ZNRF2: variants seen among roughly 807,000 people sequenced by gnomAD.
ZNRF2 encodes the protein zinc and ring finger 2, also known as E3 ubiquitin-protein ligase ZNRF2.
Under a neutral mutation model 20.4 loss-of-function variants are expected in ZNRF2, and 16 were observed. The ratio of observed to expected loss-of-function variants is 0.79; its 90% CI spans 0.53 to 1.19. The LOEUF is 1.19. Among genes scored for constraint, ZNRF2 ranks in the 50% most tolerant of loss-of-function variants. ZNRF2 has a pLI of 0.00. For missense variants in ZNRF2, 363 were observed against 332.4 expected, an observed-to-expected ratio of 1.09 and a Z score of -0.72; for synonymous variants, 178 against 144.9, an observed-to-expected ratio of 1.23 and a Z score of -1.64.
chr7:30,338,789 C>T (rs2127951411), intron 2 of ZNRF2, among the ~76,000 whole-genome samples: 1 of 152,090 alleles, frequency 6.6e-6, no homozygotes, highest in Non-Finnish European at 1.5e-5. Flanking sequence ...GGGTATATAC[C>T]AAGTAATGGG....
intron 1 of ZNRF2, among the ~76,000 whole-genome samples, chr7:30,293,248 A>AG (rs1253225355): frequency 2.8e-4 from 37 of 133,728 alleles, no homozygotes; most frequent in African/African-American, 9.9e-4. Flanking sequence ...AAATTTTTAC[A>AG]TTTTTTTTTT....
intron 1 of ZNRF2, among the ~76,000 whole-genome samples, chr7:30,322,426 C>T (rs999014082): frequency 4.6e-5 from 7 of 152,230 alleles, no homozygotes; most frequent in East Asian, 3.9e-4. Flanking sequence ...GCTGCCAAAA[C>T]GTCTCTTTCA....
At chr7:30,295,048 A>AGAGAGAGAGAGT (rs1798992605) in intron 1 of ZNRF2, among the ~76,000 whole-genome samples, 1 of 79,056 alleles carries the variant, frequency 1.3e-5, no homozygotes, top group Admixed American at 1.2e-4. Flanking sequence ...AGAGAGAGAG[A>AGAGAGAGAGAGT]GAGTGTGTGT....
chr7:30,365,108 T>TAA (rs1800188732), intron 4 of ZNRF2, among the ~76,000 whole-genome samples: 1 of 151,752 alleles, frequency 6.6e-6, no homozygotes, highest in Non-Finnish European at 1.5e-5. Flanking sequence ...CATAGCAATT[T>TAA]TGGGAGTACA....
intron 1 of ZNRF2, among the ~76,000 whole-genome samples, chr7:30,293,006 A>G (rs1798939044): frequency 6.6e-6 from 1 of 152,158 alleles, no homozygotes; most frequent in South Asian, 2.1e-4. Context: ...GGAGGCAAAA[A>G]TCCAGATGAA....
At chr7:30,302,473 T>C in intron 1 of ZNRF2, among the ~76,000 whole-genome samples, 1 of 151,970 alleles carries the variant, frequency 6.6e-6, no homozygotes, top group East Asian at 1.9e-4. Flanking sequence ...TTAAGAAATG[T>C]ATAGTCTCTA....
At chr7:30,339,643 A>AGG (rs1799765767) in intron 2 of ZNRF2, among the ~76,000 whole-genome samples, 1 of 152,172 alleles carries the variant, frequency 6.6e-6, no homozygotes, top group Non-Finnish European at 1.5e-5. Flanking sequence ...TGGTACCAGT[A>AGG]CTATGCTGCT....
intron 2 of ZNRF2, among the ~76,000 whole-genome samples, chr7:30,333,446 T>C: frequency 6.6e-6 from 1 of 151,702 alleles, no homozygotes; most frequent in African/African-American, 2.4e-5. Flanking sequence ...CTCACTTCAC[T>C]GCAACCTCCG....
At chr7:30,338,132 A>T (rs1289110410) in intron 2 of ZNRF2, among the ~76,000 whole-genome samples, 1 of 152,122 alleles carries the variant, frequency 6.6e-6, no homozygotes, top group Non-Finnish European at 1.5e-5. Context: ...ATAGATGGAT[A>T]TTTAAACTGT....
intron 2 of ZNRF2, among the ~76,000 whole-genome samples, chr7:30,341,847 G>A (rs1026401851): frequency 2.0e-5 from 3 of 152,028 alleles, no homozygotes; most frequent in African/African-American, 7.3e-5. Flanking sequence ...ATTATTGTGT[G>A]GGAGTCTAAG....
chr7:30,285,058 G>A lies in ZNRF2; in HGVS notation c.-300G>A, dbSNP rs1159987408. On this transcript the variant is annotated 5_prime_UTR_variant, in exon 1 of 5. Transcript: ENST00000323037. ...AACCGAAACCAGCGGCAGCCGCACGGCCACTTGAGCCGCCCCTTCCTGCTG... is the reference window on the plus strand; with the variant it reads ...AACCGAAACCAGCGGCAGCCGCACGACCACTTGAGCCGCCCCTTCCTGCTG... 4 of 408,016 alleles carry A rather than the reference G, an allele frequency of 9.8e-6. No homozygotes were observed. Among genetic ancestry groups the A allele is most frequent in the Non-Finnish European group, 1.9e-5 (4 of 206,948 alleles). The allele number at this position is 408,016 out of a possible 1,614,324, so 25.3% of individuals were successfully genotyped here.
intron 2 of ZNRF2, among the ~76,000 whole-genome samples, chr7:30,349,797 T>G (rs1350736085): frequency 3.3e-5 from 5 of 152,158 alleles, no homozygotes; most frequent in Non-Finnish European, 7.4e-5. Context: ...GAAATTTTAC[T>G]TCAAAGTATA....
At chr7:30,289,906 T>A in intron 1 of ZNRF2, 1 of 534,276 alleles carries the variant, frequency 1.9e-6, no homozygotes, top group Non-Finnish European at 3.8e-6. Context: ...TCCTCCAATT[T>A]GATCGCTTTG....
chr7:30,326,057 C>G (rs542151035), intron 2 of ZNRF2, among the ~76,000 whole-genome samples: 1 of 152,080 alleles, frequency 6.6e-6, no homozygotes, highest in Non-Finnish European at 1.5e-5. Context: ...TATATTTACA[C>G]ACAGTCTTAG....
chr7:30,285,560 C>A lies in ZNRF2; in HGVS notation c.203C>A (p.Ala68Asp). Residue 68 changes from alanine (A) to aspartate (D), a missense_variant, in exon 1 of 5, where the codon GCC becomes GAC. Physicochemically the swap from Ala to Asp is moderately radical, Grantham distance 126 (BLOSUM62 -2). Transcript: ENST00000323037. Reference sequence around the variant, plus strand: ...AGCGCCTCCGGCGGCGCCGCGGCGGCCGCGGCGGCCCCGGCAGCCCCGGCG... The same window carrying A: ...AGCGCCTCCGGCGGCGCCGCGGCGGACGCGGCGGCCCCGGCAGCCCCGGCG... ...QPSASGGAAA[A>D]AAAPAAPAAP... The A allele has an allele frequency of 1.0e-6, 1 of 977,490 alleles. No individual in the cohort carries two copies. Among genetic ancestry groups the A allele is most frequent in the Non-Finnish European group, 1.2e-6 (1 of 826,822 alleles). The allele number at this position is 977,490 out of a possible 1,614,324, so 60.6% of individuals were successfully genotyped here. A position where few individuals can be genotyped will look rare whatever the true frequency, so the allele number is the denominator to read the frequency against.
At chr7:30,292,303 G>C (rs369449762) in intron 1 of ZNRF2, among the ~76,000 whole-genome samples, 24 of 152,230 alleles carry the variant, frequency 1.6e-4, no homozygotes, top group African/African-American at 5.5e-4. Flanking sequence ...ATAACATGCT[G>C]TTTCCATTTC....
intron 1 of ZNRF2, among the ~76,000 whole-genome samples, chr7:30,304,770 A>G (rs907056348): frequency 7.9e-5 from 12 of 152,156 alleles, no homozygotes; most frequent in Non-Finnish European, 1.2e-4. Context: ...TGAAAATAGC[A>G]TGACTTGCTT....
intron 1 of ZNRF2, among the ~76,000 whole-genome samples, chr7:30,316,632 T>C (rs1021024595): frequency 3.3e-5 from 5 of 152,216 alleles, no homozygotes; most frequent in African/African-American, 1.2e-4. Context: ...TTATTTCAGA[T>C]ATTTTTGTCC....
At chr7:30,308,338 C>G (rs1204698669) in intron 1 of ZNRF2, among the ~76,000 whole-genome samples, 1 of 152,088 alleles carries the variant, frequency 6.6e-6, no homozygotes, top group Non-Finnish European at 1.5e-5. Context: ...TTCCATTTTG[C>G]CATTATGAAC....
Sources: gnomAD v4.1 joint callset for allele counts (sites outside exome capture counted in the v4.1 genomes callset) on GRCh38, gnomAD v4.1.1 for gene constraint, MANE v1.5 for transcripts, NCBI Gene and HGNC (gene_info 2026-07-23, HGNC 2026-07-21) for gene names.